The following POLRMT variants were observed in gnomAD, a reference collection of about 807,000 sequenced individuals.
The protein encoded by POLRMT is DNA-directed RNA polymerase, mitochondrial.
In POLRMT, 114 loss-of-function variants were observed where a neutral mutation model predicts 132.2. The observed-to-expected ratio is 0.86, with a 90% CI of 0.74 to 1.01. POLRMT has a LOEUF of 1.01. POLRMT is among the 50% of genes least tolerant of loss of function. The pLI is 0.00. For missense variants in POLRMT, 2,003 were observed against 1,729.1 expected, an observed-to-expected ratio of 1.16 and a Z score of -2.81; for synonymous variants, 1,020 against 773.4, an observed-to-expected ratio of 1.32 and a Z score of -5.29.
intron 3 of POLRMT, among the ~76,000 whole-genome samples, chr19:626,932 T>C (rs1024263811): frequency 1.3e-5 from 2 of 148,974 alleles, no homozygotes; most frequent in African/African-American, 5.1e-5. Context: ...CATATATATA[T>C]AATTTTTTTC....
Position 620,845 on chromosome 19 carries a change from G to A in POLRMT, c.2640+213C>T, listed in dbSNP as rs866477903. ...CAGGGGAGAAGGGAGAAGCAGGACG[G>A]GCAGGGGGCGCGGGGGAGGAGAGCG... On this transcript the variant is annotated intron_variant, in intron 10 of 20. Transcript: ENST00000588649. Among the ~76,000 whole-genome samples, 83 of 112,078 alleles carry A rather than the reference G, an allele frequency of 7.4e-4. 2 individuals carry two copies. The highest frequency in any genetic ancestry group is 8.3e-3 in the Middle Eastern group (2 of 240). The allele number at this position is 112,078 out of a possible 152,430, so 73.5% of individuals were successfully genotyped here.
chr19:622,374 C>A lies in POLRMT; in HGVS notation c.1627-1G>T. 1 of 1,546,722 alleles carries A rather than the reference C, an allele frequency of 6.5e-7. No homozygotes were observed. The highest frequency in any genetic ancestry group is 8.7e-7 in the Non-Finnish European group (1 of 1,146,836). On this transcript the variant is annotated splice_acceptor_variant, in intron 8 of 20. Transcript: ENST00000588649. LOFTEE classifies it high-confidence loss of function. ...GCCGCGGCAGGCAGGGCTCGGGCAC[C>A]TGTAGGACAGGGCGGTCAGGGCGCT...
At position 629,452 on chromosome 19, in the gene POLRMT, G is replaced by C. The variant is rs41560618; in HGVS notation, c.822+88C>G. ...AAAAAACAAAGGACTTGAACCTGGG[G>C]GCTAAGAGAGAAAAGTCCAGTCTAA... On this transcript the variant is annotated intron_variant, in intron 3 of 20. Transcript: ENST00000588649. 2.7e-3 allele frequency: 3,411 copies of C among 1,277,630 alleles called. 11 individuals carry two copies. The highest frequency in any genetic ancestry group is 2.8e-3 in the Non-Finnish European group (2,701 of 973,042). 79.1% of individuals were successfully genotyped at this position (1,277,630 alleles called of 1,614,324 possible).
At chr19:620,153 A>C (rs975080909) in intron 11 of POLRMT, 73 bp from the exon 12 acceptor site, 237 of 1,517,874 alleles carry the variant, frequency 1.6e-4, no homozygotes, top group Non-Finnish European at 2.0e-4. Context: ...ACCACCCCCC[A>C]GGTCGAGCCG....
rs1487844460 is a variant in POLRMT, at chr19:621,170, A to T, written c.2528T>A (p.Ile843Asn). Reference sequence around the variant, plus strand: ...CAACCCCGTGAGATTGACCAGGTGGATCTTGAGCCAATCCAGGCCGTGCGG... The same window carrying T: ...CAACCCCGTGAGATTGACCAGGTGGTTCTTGAGCCAATCCAGGCCGTGCGG... ...LGPHGLDWLK[I>N]HLVNLTGLKK... is the part of the protein sequence containing the mutation. The change falls in exon 10 of 21, where the codon ATC becomes AAC. Residue 843 changes from isoleucine (I) to asparagine (N), a missense_variant. By Grantham distance (149) the Ile-to-Asn change is moderately radical. Transcript: ENST00000588649. 1 of 1,610,736 alleles carries T rather than the reference A, an allele frequency of 6.2e-7. No homozygotes were observed. The highest frequency in any genetic ancestry group is 2.2e-5 in the East Asian group (1 of 44,734).
At position 622,302 on chromosome 19, in the gene POLRMT, G is replaced by A; in HGVS notation, c.1698C>T (p.Pro566=). 7.0e-6 allele frequency: 11 copies of A among 1,566,770 alleles called. No homozygotes were observed. Among genetic ancestry groups the A allele is most frequent in the Non-Finnish European group, 9.5e-6 (11 of 1,157,002 alleles). ...GCTCCATCTGCACTGGCAGGGGCCA[G>A]GGCTGCTCCCGCAGGGCCTCGGGCG... ...LGAPEALREQ[P]WPLPVQMELG... The change falls in exon 9 of 21, where the codon CCC becomes CCT. Residue 566 remains proline, a synonymous_variant. Transcript: ENST00000588649.
At chr19:629,495 T>C in intron 3 of POLRMT, 45 bp downstream of exon 3, 1 of 1,460,112 alleles carries the variant, frequency 6.8e-7, no homozygotes, top group South Asian at 1.5e-5. Flanking sequence ...CAAGTTCCTG[T>C]CTCCAACGAC....
intron 2 of POLRMT, among the ~76,000 whole-genome samples, chr19:630,634 A>C (rs1985345613): frequency 6.7e-6 from 1 of 150,270 alleles, no homozygotes; most frequent in African/African-American, 2.5e-5. Context: ...TGAACCGCCC[A>C]CTCCCTGGCT....
Position 621,223 on chromosome 19 carries a change from C to T in POLRMT, c.2475G>A (p.Leu825=). ...HLGSDVARAL[L]EFAQGRPLGP... Reference sequence around the variant, plus strand: ...CGAGCGGGCGGCCCTGGGCGAACTCCAGCAGGGCCCGCGCCACGTCGCTGC... The same window carrying T: ...CGAGCGGGCGGCCCTGGGCGAACTCTAGCAGGGCCCGCGCCACGTCGCTGC... Residue 825 remains leucine, a synonymous_variant, in exon 10 of 21, where the codon CTG becomes CTA. Coordinates refer to ENST00000588649, the MANE Select transcript of POLRMT (RefSeq NM_005035.4). 1 of 1,609,598 alleles carries T rather than the reference C, an allele frequency of 6.2e-7. No individual in the cohort carries two copies. Among genetic ancestry groups the T allele is most frequent in the Admixed American group, 1.7e-5 (1 of 59,834 alleles).
chr19:621,916 G>A, intron 9 of POLRMT, 70 bp from the exon 10 acceptor site: 1 of 1,525,320 alleles, frequency 6.6e-7, no homozygotes, highest in South Asian at 1.2e-5. Context: ...CCTTAAACTT[G>A]GGTGAGAGGG....
At chr19:617,902 G>A in intron 17 of POLRMT, 53 bp from the exon 18 acceptor site, 2 of 1,542,844 alleles carry the variant, frequency 1.3e-6, no homozygotes, top group South Asian at 1.1e-5. Context: ...GGGCCACCCA[G>A]TGACCAGCAT....
Position 623,440 on chromosome 19 carries a change from G to C in POLRMT, c.1290+14C>G. ...GCCCCTGCGGCGGACACGGGACCCC[G>C]GCTCAGCCCCTACCGCGTGCTTGAC... On this transcript the variant is annotated intron_variant, in intron 6 of 20. Coordinates refer to ENST00000588649, the MANE Select transcript of POLRMT (RefSeq NM_005035.4). The C allele has an allele frequency of 1.9e-6, 3 of 1,609,578 alleles. No individual in the cohort carries two copies. Among genetic ancestry groups the C allele is most frequent in the Non-Finnish European group, 2.5e-6 (3 of 1,179,230 alleles).
In POLRMT at chr19:633,523, G is replaced by T. The variant is rs767754140; in HGVS notation, c.-11C>A. The T allele has an allele frequency of 2.7e-5, 20 of 748,704 alleles. No individual in the cohort carries two copies. Among genetic ancestry groups the T allele is most frequent in the Non-Finnish European group, 3.6e-5 (19 of 534,532 alleles). 46.4% of individuals were successfully genotyped at this position (748,704 alleles called of 1,614,324 possible). A position where few individuals can be genotyped will look rare whatever the true frequency, so the allele number is the denominator to read the frequency against. Reference sequence around the variant, plus strand: ...GCAAAGTGCCGACATTACGCACGCCGCTCCAGGCCACCCCACCGGCCCGCG... The same window carrying T: ...GCAAAGTGCCGACATTACGCACGCCTCTCCAGGCCACCCCACCGGCCCGCG... On this transcript the variant is annotated 5_prime_UTR_variant, in exon 1 of 21. Coordinates refer to ENST00000588649, the MANE Select transcript of POLRMT (RefSeq NM_005035.4).
chr19:626,620 A>C, intron 3 of POLRMT, among the ~76,000 whole-genome samples: 1 of 105,630 alleles, frequency 9.5e-6, no homozygotes, highest in Non-Finnish European at 1.8e-5. Context: ...CCCCATCTCC[A>C]CTAAAAATAC....
chr19:619,432 G>T (rs910289120), intron 13 of POLRMT, 136 bp from the exon 14 acceptor site: 4 of 1,350,978 alleles, frequency 3.0e-6, no homozygotes, highest in African/African-American at 2.9e-5. Flanking sequence ...TGGCGCCCAC[G>T]CAGTCAGCAA....
In POLRMT at chr19:617,824, GCA is replaced by G. The variant is rs762220644; in HGVS notation, c.3446_3447del (p.Val1149AlafsTer10). On this transcript the variant is annotated frameshift_variant, in exon 18 of 21. Transcript: ENST00000588649. LOFTEE classifies it high-confidence loss of function. ...CYRKGLTFVS[V>X]HDCYWTHAAD... The stretch of plus-strand genomic sequence containing the variant: ...GCTGCGTGAGTCCAGTAACAGTCGT[GCA>G]CAGAGACGAAGGTCAGGCCCTTCCT... The G allele has an allele frequency of 6.8e-6, 11 of 1,613,324 alleles. No homozygotes were observed. In the East Asian group the frequency reaches 1.8e-4, roughly 26 times the overall value.
intron 5 of POLRMT, 66 bp from the exon 6 acceptor site, chr19:623,669 A>G (rs1361543992): frequency 3.2e-6 from 5 of 1,570,800 alleles, no homozygotes; most frequent in Non-Finnish European, 4.4e-6. Flanking sequence ...CAGGACCCCG[A>G]GACAGCATGG....
intron 17 of POLRMT, 136 bp downstream of exon 17, chr19:618,352 C>T (rs950343128): frequency 1.0e-5 from 7 of 690,274 alleles, no homozygotes; most frequent in Non-Finnish European, 1.7e-5. Flanking sequence ...GGCCTCTACA[C>T]AGGCCCCACA....
chr19:629,421 TAA>T, intron 3 of POLRMT, 117 bp downstream of exon 3: 1 of 1,083,202 alleles, frequency 9.2e-7, no homozygotes. Context: ...AAAGAATTAT[TAA>T]AATAAAAAAC....
Sources: allele counts gnomAD v4.1 joint callset (sites outside exome capture counted in the v4.1 genomes callset), GRCh38; gene constraint gnomAD v4.1.1; transcripts MANE v1.5; gene names NCBI Gene and HGNC (gene_info 2026-07-23, HGNC 2026-07-21).